The following GSK3B variants were observed in gnomAD, a reference collection of about 807,000 sequenced individuals.
GSK3B encodes glycogen synthase kinase 3 beta, also known as glycogen synthase kinase-3 beta.
Under a neutral mutation model 56.4 loss-of-function variants are expected in GSK3B, and 15 were observed. The ratio of observed to expected loss-of-function variants is 0.27; its 90% CI spans 0.18 to 0.41. The LOEUF (loss-of-function observed/expected upper bound fraction) is 0.41. GSK3B is among the 10% of genes least tolerant of loss of function. The probability of loss-of-function intolerance (pLI) is 1.00; values close to 1 mark genes in which losing one functional copy is unlikely to be tolerated. For missense variants in GSK3B, 300 were observed against 513.4 expected (o/e 0.58, Z 4.02); for synonymous variants, 181 against 188.9 (o/e 0.96, Z 0.34).
chr3:119,894,605 CTTT>C (rs141956490), intron 7 of GSK3B, among the ~76,000 whole-genome samples: 13,852 of 152,038 alleles, frequency 0.091, 766 homozygotes, highest in Non-Finnish European at 0.12. Context: ...AGTGGGCTTT[CTTT>C]TTATTATTGA....
chr3:119,849,067 T>C (rs906159122), intron 9 of GSK3B, among the ~76,000 whole-genome samples: 3 of 152,168 alleles, frequency 2.0e-5, no homozygotes, highest in Non-Finnish European at 2.9e-5. Flanking sequence ...AGCAAAATAA[T>C]TGCTAGCAAT....
intron 3 of GSK3B, among the ~76,000 whole-genome samples, chr3:119,940,267 T>G (rs775952955): frequency 3.3e-5 from 5 of 152,034 alleles, no homozygotes; most frequent in African/African-American, 1.2e-4. Context: ...TGAGGACACA[T>G]AGCCAGTCCT....
intron 1 of GSK3B, among the ~76,000 whole-genome samples, chr3:120,093,045 C>T (rs539122538): frequency 6.3e-4 from 96 of 152,270 alleles, no homozygotes; most frequent in African/African-American, 2.1e-3. Context: ...ACTACTTTAA[C>T]GTGGAAACAC....
At chr3:120,075,089 T>C (rs1353442372) in intron 1 of GSK3B, among the ~76,000 whole-genome samples, 3 of 152,152 alleles carry the variant, frequency 2.0e-5, no homozygotes, top group Non-Finnish European at 4.4e-5. Context: ...TGGTTTAACA[T>C]ACACAAATGA....
chr3:119,928,530 A>C (rs1213122617), intron 3 of GSK3B, among the ~76,000 whole-genome samples: 8 of 147,710 alleles, frequency 5.4e-5, no homozygotes, highest in African/African-American at 7.5e-5. Flanking sequence ...GCTTGAACCC[A>C]GGAGGCAGAG....
intron 8 of GSK3B, among the ~76,000 whole-genome samples, chr3:119,876,028 T>C (rs2056307727): frequency 6.6e-6 from 1 of 152,144 alleles, no homozygotes; most frequent in Non-Finnish European, 1.5e-5. Flanking sequence ...TTTAACAGTT[T>C]AAAAGAATAA....
chr3:120,050,529 T>G (rs996103630), intron 1 of GSK3B, among the ~76,000 whole-genome samples: 1 of 152,178 alleles, frequency 6.6e-6, no homozygotes, highest in African/African-American at 2.4e-5. Context: ...GGGGGTAGAC[T>G]TGAAGAATGA....
At chr3:119,956,148 A>C (rs1005281106) in intron 2 of GSK3B, among the ~76,000 whole-genome samples, 8 of 152,254 alleles carry the variant, frequency 5.3e-5, no homozygotes. Context: ...GGTGACAGCT[A>C]TCAGGCTTCT....
At chr3:119,966,861 TAA>T (rs1222759971) in intron 2 of GSK3B, among the ~76,000 whole-genome samples, 2 of 151,766 alleles carry the variant, frequency 1.3e-5, no homozygotes, top group Admixed American at 1.3e-4. Flanking sequence ...CAAAAGAACT[TAA>T]GAGGAAAAAA....
intron 1 of GSK3B, among the ~76,000 whole-genome samples, chr3:120,082,599 T>C (rs1291601852): frequency 6.6e-6 from 1 of 151,902 alleles, no homozygotes; most frequent in East Asian, 1.9e-4. Flanking sequence ...TTTCACCATC[T>C]TGGCCAGGTT....
chr3:120,015,376 C>A (rs924942200), intron 1 of GSK3B, among the ~76,000 whole-genome samples: 2 of 152,082 alleles, frequency 1.3e-5, no homozygotes, highest in African/African-American at 4.8e-5. Context: ...ATTGGCCAGG[C>A]GCAGTGGCTC....
rs775594725 is a variant in GSK3B at position 119,876,507 on chromosome 3, A to G, written c.815T>C (p.Val272Ala). Residue 272 changes from valine (V) to alanine (A), a missense_variant and splice_region_variant, in exon 8 of 11, where the codon GTC becomes GCC. Val to Ala is a moderately conservative substitution (Grantham distance 64). Coordinates refer to ENST00000264235, the MANE Select transcript of GSK3B (RefSeq NM_001146156.2). ...GVDQLVEIIK[V>A]LGTPTREQIR... ...TTGCTCCCTTGTTGGAGTTCCCAGGACCTAGAAAGAAAGCAAGTTATTGCC... is the reference window on the plus strand; with the variant it reads ...TTGCTCCCTTGTTGGAGTTCCCAGGGCCTAGAAAGAAAGCAAGTTATTGCC... 1.3e-6 allele frequency: 2 copies of G among 1,564,628 alleles called. No homozygotes were observed. Among genetic ancestry groups the G allele is most frequent in the Admixed American group, 1.7e-5 (1 of 59,444 alleles).
chr3:120,072,863 GC>G (rs1264180018), intron 1 of GSK3B, among the ~76,000 whole-genome samples: 1 of 152,156 alleles, frequency 6.6e-6, no homozygotes, highest in Non-Finnish European at 1.5e-5. Flanking sequence ...TTCTGTTCTT[GC>G]CTTGGATCAA....
Position 119,916,199 on chromosome 3 carries a change from T to A in GSK3B, c.478-25A>T, listed in dbSNP as rs2056778717. 2.6e-6 allele frequency: 4 copies of A among 1,566,246 alleles called. No individual in the cohort carries two copies. In the African/African-American group the frequency reaches 4.1e-5, roughly 16 times the overall value. ...ACTGGAATAGATAGTAGAAATTAAT[T>A]AAATACTTCCTATTCTAAACAAATC... is the stretch of plus-strand genomic sequence containing the variant. On this transcript the variant is annotated intron_variant, in intron 4 of 10. Transcript: ENST00000264235.
intron 7 of GSK3B, among the ~76,000 whole-genome samples, chr3:119,876,911 G>C (rs2056321528): frequency 6.6e-6 from 1 of 152,124 alleles, no homozygotes; most frequent in African/African-American, 2.4e-5. Flanking sequence ...CACCAGATGT[G>C]GGCCCTTTGA....
chr3:120,034,008 T>C (rs1183697714), intron 1 of GSK3B, among the ~76,000 whole-genome samples: 1 of 152,240 alleles, frequency 6.6e-6, no homozygotes, highest in Non-Finnish European at 1.5e-5. Flanking sequence ...TCAACCATTA[T>C]GTATATCTTC....
chr3:120,060,704 T>G (rs962781949), intron 1 of GSK3B, among the ~76,000 whole-genome samples: 1 of 152,068 alleles, frequency 6.6e-6, no homozygotes, highest in African/African-American at 2.4e-5. Flanking sequence ...CCAGCCTGGG[T>G]GACAGAGCGA....
intron 1 of GSK3B, among the ~76,000 whole-genome samples, chr3:120,044,847 T>C (rs1326670451): frequency 6.6e-6 from 1 of 152,232 alleles, no homozygotes; most frequent in Non-Finnish European, 1.5e-5. Flanking sequence ...CTCAATATTG[T>C]ACCTTCATCC....
Position 120,045,669 on chromosome 3 carries a change from C to A in GSK3B, c.89-43430G>T, listed in dbSNP as rs933636256. The stretch of plus-strand genomic sequence containing the variant: ...GCCATTGCTCCATCCACGAGACACG[C>A]CCTTCTGCAAAAATAAACTGCCTTG... On this transcript the variant is annotated intron_variant, in intron 1 of 10. Transcript: ENST00000264235. Among the ~76,000 whole-genome samples the A allele has an allele frequency of 4.6e-5, 7 of 152,200 alleles. No homozygotes were observed. The East Asian group carries it at 1.3e-3, about 29-fold the overall frequency.
Sources: allele counts gnomAD v4.1 joint callset (sites outside exome capture counted in the v4.1 genomes callset), GRCh38; gene constraint gnomAD v4.1.1; transcripts MANE v1.5; gene names NCBI Gene and HGNC (gene_info 2026-07-23, HGNC 2026-07-21).